The following SLF2 variants were observed in gnomAD, a reference collection of about 807,000 sequenced individuals.
The protein encoded by SLF2 is SMC5/6 complex localization factor 2, also known as SMC5-SMC6 complex localization factor protein 2.
A neutral mutation model predicts 124.3 loss-of-function variants in SLF2; 68 were observed. The observed-to-expected ratio is 0.55, with a 90% CI of 0.45 to 0.67. SLF2 has a LOEUF of 0.67. Among genes scored for constraint, SLF2 ranks in the 30% least tolerant of loss-of-function variants. The pLI is 0.00. For missense variants in SLF2, 1,246 were observed against 1,373.7 expected, an observed-to-expected ratio of 0.91 and a Z score of 1.47; for synonymous variants, 480 against 478.8, an observed-to-expected ratio of 1.00 and a Z score of -0.03.
Position 100,916,955 on chromosome 10 carries a change from A to G in SLF2, c.570A>G (p.Arg190=), listed in dbSNP as rs1029999095. The change falls in exon 3 of 20, where the codon CGA becomes CGG. Residue 190 remains arginine (R), a synonymous_variant. Coordinates refer to ENST00000238961, the MANE Select transcript of SLF2 (RefSeq NM_018121.4). ...HENNEKNDRD[R]GKTNADSKKQ... is the part of the protein sequence containing the mutation. ...ATAATGAGAAGAATGATAGAGATCG[A>G]GGCAAAACCAATGCAGACTCCAAAA... 2 of 1,614,178 alleles carry G rather than the reference A, an allele frequency of 1.2e-6. No homozygotes were observed. Among genetic ancestry groups the G allele is most frequent in the Admixed American group, 3.3e-5 (2 of 60,022 alleles).
chr10:100,921,807 TA>T (rs1849528097), intron 4 of SLF2, among the ~76,000 whole-genome samples: 1 of 152,218 alleles, frequency 6.6e-6, no homozygotes, highest in Non-Finnish European at 1.5e-5. Flanking sequence ...ATCCCATACT[TA>T]AAAGTAAGAT....
intron 11 of SLF2, among the ~76,000 whole-genome samples, chr10:100,939,528 G>A (rs1437669424): frequency 6.6e-6 from 1 of 151,792 alleles, no homozygotes; most frequent in Non-Finnish European, 1.5e-5. Flanking sequence ...ATACAAAAAC[G>A]TTAGCCAGGT....
intron 17 of SLF2, among the ~76,000 whole-genome samples, chr10:100,955,456 A>G (rs1327600496): frequency 6.6e-6 from 1 of 152,118 alleles, no homozygotes; most frequent in Admixed American, 6.5e-5. Flanking sequence ...ATCACCAAAT[A>G]TCAAATGGGC....
At chr10:100,960,551 A>G (rs1188970484) in intron 19 of SLF2, among the ~76,000 whole-genome samples, 1 of 152,214 alleles carries the variant, frequency 6.6e-6, no homozygotes, top group Non-Finnish European at 1.5e-5. Context: ...GGTCATTTGT[A>G]TAGCTTTTTT....
intron 19 of SLF2, 93 bp downstream of exon 19, chr10:100,959,589 C>T: frequency 3.4e-6 from 5 of 1,472,510 alleles, no homozygotes; most frequent in Non-Finnish European, 3.6e-6. Flanking sequence ...TATAACAGTG[C>T]ACTTGCTTCT....
chr10:100,940,424 A>G (rs1849947060), intron 11 of SLF2, among the ~76,000 whole-genome samples: 1 of 151,682 alleles, frequency 6.6e-6, no homozygotes, highest in Non-Finnish European at 1.5e-5. Context: ...CAGTGACACA[A>G]TCTCAGCTCA....
At chr10:100,959,356 G>T in intron 18 of SLF2, 72 bp from the exon 19 acceptor site, 1 of 1,377,732 alleles carries the variant, frequency 7.3e-7, no homozygotes, top group South Asian at 1.7e-5. Context: ...CAGATATTTT[G>T]TGTAGTGTTA....
chr10:100,916,440 A>G (rs1208372323), intron 2 of SLF2, 130 bp from the exon 3 acceptor site: 1 of 647,318 alleles, frequency 1.5e-6, no homozygotes, highest in Non-Finnish European at 2.1e-6. Context: ...TCATTATCCA[A>G]GTTGTTGGTT....
intron 4 of SLF2, among the ~76,000 whole-genome samples, chr10:100,923,469 A>G (rs1166918429): frequency 6.7e-6 from 1 of 148,396 alleles, no homozygotes; most frequent in African/African-American, 2.5e-5. Flanking sequence ...AGACAAAGAC[A>G]CCTTTTGTAA....
At chr10:100,917,971 T>TA (rs1160641289) in intron 3 of SLF2, among the ~76,000 whole-genome samples, 2 of 152,134 alleles carry the variant, frequency 1.3e-5, no homozygotes, top group African/African-American at 4.8e-5. Flanking sequence ...CCTGTTCTCC[T>TA]AGCTACTTAG....
intron 11 of SLF2, among the ~76,000 whole-genome samples, chr10:100,940,559 G>T (rs930339418): frequency 6.6e-6 from 1 of 152,030 alleles, no homozygotes; most frequent in Non-Finnish European, 1.5e-5. Context: ...ACGAAGTTTT[G>T]CCATGTTGCC....
chr10:100,919,619 A>T (rs546110349), intron 4 of SLF2, among the ~76,000 whole-genome samples: 1 of 152,370 alleles, frequency 6.6e-6, no homozygotes, highest in South Asian at 2.1e-4. Flanking sequence ...TTGCAACAAG[A>T]AATGAAAGGT....
chr10:100,916,083 G>C (rs1317413162), intron 2 of SLF2, 41 bp downstream of exon 2: 79 of 1,542,196 alleles, frequency 5.1e-5, no homozygotes, highest in Non-Finnish European at 7.0e-5. Context: ...GCTATTTTGG[G>C]GGTGAGGAGA....
intron 6 of SLF2, chr10:100,926,227 T>A: frequency 2.6e-6 from 4 of 1,539,962 alleles, no homozygotes; most frequent in Non-Finnish European, 3.5e-6. Context: ...CAAGATTACT[T>A]GAGCCCAGGA....
intron 8 of SLF2, 107 bp from the exon 9 acceptor site, chr10:100,930,869 C>A: frequency 1.2e-6 from 1 of 813,806 alleles, no homozygotes; most frequent in Non-Finnish European, 2.1e-6. Context: ...GGACTGAAGA[C>A]AGTTTGCTTG....
chr10:100,948,004 C>T (rs1334959499), intron 15 of SLF2, among the ~76,000 whole-genome samples, 157 bp downstream of exon 15: 1 of 152,134 alleles, frequency 6.6e-6, no homozygotes, highest in Non-Finnish European at 1.5e-5. Context: ...CTAACAAGAT[C>T]CAATTTTTTC....
chr10:100,950,092 G>C lies in SLF2; in HGVS notation c.3137G>C (p.Arg1046Pro). Residue 1046 changes from arginine to proline, a missense_variant, in exon 16 of 20, where the codon CGC (arginine) becomes CCC (proline). Around this residue, in one of 3 missense-constraint regions of SLF2, gnomAD observed 535 missense variants for 632.8 expected, o/e 0.85. Coordinates refer to ENST00000238961, the MANE Select transcript of SLF2 (RefSeq NM_018121.4). ...ASNLQVSVLH[R>P]YLVQMKPSDL... is the part of the protein sequence containing the mutation. ...TTTTGATAGGTATCAGTCCTACATCGCTATCTTGTGCAGATGAAGCCTTCT... is the reference window on the plus strand; with the variant it reads ...TTTTGATAGGTATCAGTCCTACATCCCTATCTTGTGCAGATGAAGCCTTCT... 6.2e-7 allele frequency: 1 copy of C among 1,611,184 alleles called. No homozygotes were observed. The highest frequency in any genetic ancestry group is 1.1e-5 in the South Asian group (1 of 90,514).
chr10:100,916,675 A>C lies in SLF2; in HGVS notation c.290A>C (p.Lys97Thr), dbSNP rs1849418726. 6.5e-7 allele frequency: 1 copy of C among 1,535,934 alleles called. No homozygotes were observed. The highest frequency in any genetic ancestry group is 1.4e-5 in the African/African-American group (1 of 71,968). The change falls in exon 3 of 20, where the codon AAA becomes ACA. Residue 97 changes from lysine (K) to threonine (T), a missense_variant. Lys to Thr is a moderately conservative substitution (Grantham distance 78). Around this residue, in one of 3 missense-constraint regions of SLF2, gnomAD observed 698 missense variants for 708.9 expected, o/e 0.98. Coordinates refer to ENST00000238961, the MANE Select transcript of SLF2 (RefSeq NM_018121.4). ...EQFERKLSSP[K>T]ESKPKRVPPE... ...TTTGAAAGGAAACTATCCTCACCAA[A>C]AGAATCTAAACCCAAAAGGGTGCCA...
At chr10:100,927,934 C>T (rs1040749463) in intron 6 of SLF2, among the ~76,000 whole-genome samples, 5 of 150,112 alleles carry the variant, frequency 3.3e-5, no homozygotes, top group African/African-American at 9.8e-5. Context: ...TTTTAATTGG[C>T]TTGTTTGGTG....
Sources: gnomAD v4.1 joint callset for allele counts (sites outside exome capture counted in the v4.1 genomes callset) on GRCh38, gnomAD v4.1.1 for gene constraint, gnomAD v4.1.1 regional missense constraint, MANE v1.5 for transcripts, NCBI Gene and HGNC (gene_info 2026-07-23, HGNC 2026-07-21) for gene names.